Variants in NRXN1 observed in about 807,000 individuals in gnomAD.
NRXN1 encodes the protein neurexin 1.
A neutral mutation model predicts 150.9 loss-of-function variants in NRXN1; 39 were observed. That is an observed-to-expected ratio of 0.26 (90% CI 0.20 to 0.34). NRXN1 has a LOEUF of 0.34. Among genes scored for constraint, NRXN1 ranks in the 10% least tolerant of loss-of-function variants. NRXN1 has a pLI of 1.00. For synonymous variants in NRXN1, 924 were observed against 757.0 expected (o/e 1.22, Z -3.62); for missense variants, 1,815 against 1,949.9 (o/e 0.93, Z 1.30).
intron 8 of NRXN1, among the ~76,000 whole-genome samples, chr2:50,569,512 A>C (rs1014100104): frequency 1.3e-5 from 2 of 152,114 alleles, no homozygotes; most frequent in African/African-American, 2.4e-5. Context: ...AATTTGTTAT[A>C]TATATTATAT....
rs1423464169 is a variant in NRXN1, at chr2:50,031,067, T to C, written c.4128+22204A>G. 2.0e-5 allele frequency among the ~76,000 whole-genome samples: 3 copies of C among 152,072 alleles called. No individual in the cohort carries two copies. In the East Asian group the frequency reaches 5.8e-4, roughly 29 times the overall value. ...ACAGTGGGACTGTTTTCTAAAGAAC[T>C]CTTAAGTATGCAGCATATATACTAA... On this transcript the variant is annotated intron_variant, in intron 21 of 22. Coordinates refer to ENST00000401669, the MANE Select transcript of NRXN1 (RefSeq NM_001330078.2).
At chr2:50,750,350 A>AT (rs200379485) in intron 5 of NRXN1, among the ~76,000 whole-genome samples, 5 of 129,928 alleles carry the variant, frequency 3.8e-5, no homozygotes, top group Admixed American at 8.0e-5. Context: ...GTAGTCAAAA[A>AT]TTAAAAAATG....
At chr2:50,725,946 T>C (rs1250689880) in intron 5 of NRXN1, among the ~76,000 whole-genome samples, 4 of 152,208 alleles carry the variant, frequency 2.6e-5, no homozygotes, top group African/African-American at 9.6e-5. Flanking sequence ...GAGTTGACTA[T>C]AAAATGAAAT....
At chr2:50,595,184 T>C (rs774855007) in intron 8 of NRXN1, among the ~76,000 whole-genome samples, 3 of 151,990 alleles carry the variant, frequency 2.0e-5, no homozygotes, top group Non-Finnish European at 2.9e-5. Flanking sequence ...GAGACCTCAG[T>C]GTGCTGAGTA....
At chr2:50,868,224 A>T (rs1267906394) in intron 5 of NRXN1, among the ~76,000 whole-genome samples, 2 of 144,816 alleles carry the variant, frequency 1.4e-5, no homozygotes, top group Non-Finnish European at 3.0e-5. Context: ...GCAGCCATAA[A>T]AAGAATGAAA....
At position 50,014,220 on chromosome 2, in the gene NRXN1, T is replaced by G. The variant is rs141498485; in HGVS notation, c.4128+39051A>C. 2.9e-3 allele frequency among the ~76,000 whole-genome samples: 439 copies of G among 152,226 alleles called. 1 individual carries two copies. Among genetic ancestry groups the G allele is most frequent in the Admixed American group, 6.1e-3 (93 of 15,274 alleles). On this transcript the variant is annotated intron_variant, in intron 21 of 22. Transcript: ENST00000401669. ...CGATTTAATAAGTAAGTATAGTTTC[T>G]TTATCAAGAGTAACCATTCGAAAAT...
At chr2:50,788,893 T>C (rs1705536132) in intron 5 of NRXN1, among the ~76,000 whole-genome samples, 2 of 152,154 alleles carry the variant, frequency 1.3e-5, no homozygotes, top group Admixed American at 1.3e-4. Context: ...TGAGTGATCA[T>C]GGAAGGTTTC....
intron 8 of NRXN1, among the ~76,000 whole-genome samples, chr2:50,579,867 A>G (rs1671992474): frequency 6.6e-6 from 1 of 152,122 alleles, no homozygotes; most frequent in African/African-American, 2.4e-5. Context: ...CTTGTCCGAG[A>G]TCTACATAAG....
At chr2:50,239,708 ATATATATT>A (rs1210724509) in intron 17 of NRXN1, among the ~76,000 whole-genome samples, 4 of 93,808 alleles carry the variant, frequency 4.3e-5, no homozygotes, top group Admixed American at 2.2e-4. Context: ...ATATATATAT[ATATATATT>A]TATGACAGAA....
intron 17 of NRXN1, among the ~76,000 whole-genome samples, chr2:50,302,870 G>A (rs2074285400): frequency 6.6e-6 from 1 of 151,924 alleles, no homozygotes; most frequent in Non-Finnish European, 1.5e-5. Context: ...TTATTATTTT[G>A]AAAAATAAAT....
At chr2:50,130,697 A>G (rs1193511251) in intron 18 of NRXN1, among the ~76,000 whole-genome samples, 1 of 152,214 alleles carries the variant, frequency 6.6e-6, no homozygotes, top group African/African-American at 2.4e-5. Context: ...TAGATTAAAT[A>G]AAGTTCAGCT....
At chr2:50,184,472 G>T (rs563827084) in intron 18 of NRXN1, among the ~76,000 whole-genome samples, 1 of 151,946 alleles carries the variant, frequency 6.6e-6, no homozygotes, top group Admixed American at 6.6e-5. Flanking sequence ...AAAAATAAAA[G>T]AACAGAATGA....
At chr2:50,967,345 C>T (rs1281287621) in intron 2 of NRXN1, among the ~76,000 whole-genome samples, 1 of 151,978 alleles carries the variant, frequency 6.6e-6, no homozygotes, top group Non-Finnish European at 1.5e-5. Context: ...TTTGTTTCCT[C>T]TAACATTTTT....
intron 17 of NRXN1, among the ~76,000 whole-genome samples, chr2:50,277,644 T>C (rs977598620): frequency 6.6e-5 from 10 of 152,026 alleles, no homozygotes; most frequent in East Asian, 5.8e-4. Flanking sequence ...AGTCAATCCA[T>C]AGATGAACTA....
chr2:50,130,578 T>G (rs1429659178), intron 18 of NRXN1, among the ~76,000 whole-genome samples: 2 of 152,136 alleles, frequency 1.3e-5, no homozygotes, highest in African/African-American at 2.4e-5. Flanking sequence ...ACATAATATA[T>G]TCTATATTCT....
At chr2:49,963,923 G>A (rs530460217) in intron 21 of NRXN1, among the ~76,000 whole-genome samples, 11 of 152,292 alleles carry the variant, frequency 7.2e-5, no homozygotes, top group African/African-American at 2.6e-4. Context: ...TCCCAGAGCT[G>A]CTGTAACATA....
rs544248582 is a variant in NRXN1, at chr2:50,806,757, T to C, written c.832+115112A>G. On this transcript the variant is annotated intron_variant, in intron 5 of 22. Transcript: ENST00000401669. ...TGTCTCTCTCTCTCTCTTATTGAGC[T>C]ACCTCGTACTAGTCCTGCCTAAAGT... Among the ~76,000 whole-genome samples the C allele has an allele frequency of 9.2e-5, 14 of 152,292 alleles. No individual in the cohort carries two copies. The South Asian group carries it at 2.5e-3, about 27-fold the overall frequency.
chr2:50,607,395 C>T (rs1425087641), intron 8 of NRXN1, among the ~76,000 whole-genome samples: 1 of 152,092 alleles, frequency 6.6e-6, no homozygotes, highest in Non-Finnish European at 1.5e-5. Flanking sequence ...CTAAGGGACT[C>T]TTTACAAAAT....
intron 17 of NRXN1, among the ~76,000 whole-genome samples, chr2:50,270,904 C>G (rs528630441): frequency 1.3e-5 from 2 of 152,228 alleles, no homozygotes; most frequent in Admixed American, 6.5e-5. Context: ...AATGATTCAC[C>G]TGCTTTGGCC....
Sources: gnomAD v4.1 joint callset for allele counts (sites outside exome capture counted in the v4.1 genomes callset) on GRCh38, gnomAD v4.1.1 for gene constraint, MANE v1.5 for transcripts, NCBI Gene and HGNC (gene_info 2026-07-23, HGNC 2026-07-21) for gene names.